The following PRICKLE2 variants were observed in gnomAD, a reference collection of about 807,000 sequenced individuals.
PRICKLE2 encodes prickle planar cell polarity protein 2, also known as prickle-like protein 2.
In PRICKLE2, 21 loss-of-function variants were observed where a neutral mutation model predicts 81.4. That is an observed-to-expected ratio of 0.26 (90% CI 0.18 to 0.37). The LOEUF is 0.37. Ranked by LOEUF, PRICKLE2 falls within the 10% of genes least tolerant of loss-of-function variation. The pLI, the probability that PRICKLE2 is intolerant of heterozygous loss-of-function variation, is 1.00. For missense variants in PRICKLE2, 940 were observed against 1,109.0 expected, an observed-to-expected ratio of 0.85 and a Z score of 2.16; for synonymous variants, 456 against 421.5, an observed-to-expected ratio of 1.08 and a Z score of -1.00.
intron 2 of PRICKLE2, among the ~76,000 whole-genome samples, chr3:64,195,015 C>T (rs1319743417): frequency 6.6e-6 from 1 of 152,078 alleles, no homozygotes; most frequent in Non-Finnish European, 1.5e-5. Context: ...GCCCTCCAGC[C>T]TGGGTGGCAG....
chr3:64,222,161 G>T (rs1372892906), intron 1 of PRICKLE2, among the ~76,000 whole-genome samples: 1 of 152,146 alleles, frequency 6.6e-6, no homozygotes, highest in South Asian at 2.1e-4. Context: ...GCATTCAGGG[G>T]ACTTTATTTC....
chr3:64,102,219 T>C (rs1241902173), intron 7 of PRICKLE2: 1 of 152,198 alleles, frequency 6.6e-6, no homozygotes, highest in Non-Finnish European at 1.5e-5. Flanking sequence ...ACCTGCTCTT[T>C]AGGGAAACTA....
At chr3:64,261,538 T>C (rs2079614872) in intron 2 of PRICKLE2, among the ~76,000 whole-genome samples, 1 of 151,858 alleles carries the variant, frequency 6.6e-6, no homozygotes, top group Admixed American at 6.6e-5. Context: ...CCAAGAAAAA[T>C]GTGGGCTGTG....
chr3:64,206,388 T>A (rs1362524946), intron 1 of PRICKLE2, among the ~76,000 whole-genome samples: 3 of 152,178 alleles, frequency 2.0e-5, no homozygotes, highest in Non-Finnish European at 4.4e-5. Flanking sequence ...CTCTGGGCAA[T>A]GTACATTTTC....
intron 2 of PRICKLE2, among the ~76,000 whole-genome samples, chr3:64,258,842 AAAAAAAGAAAGAAAGAAAG>A (rs2079568794): frequency 2.8e-5 from 2 of 71,866 alleles, no homozygotes; most frequent in Non-Finnish European, 6.2e-5. Flanking sequence ...AAAAAAAAAA[AAAAAAAGAAAGAAAGAAAG>A]AAAGAAAGAA....
intron 2 of PRICKLE2, among the ~76,000 whole-genome samples, chr3:64,258,823 C>CAAAAAAAAA (rs1156901811): frequency 1.4e-5 from 1 of 70,390 alleles, no homozygotes; most frequent in Non-Finnish European, 2.5e-5. Context: ...GACTCTGTCT[C>CAAAAAAAAA]AAAAAAAAAA....
intron 2 of PRICKLE2, among the ~76,000 whole-genome samples, chr3:64,166,237 T>G (rs898834957): frequency 6.6e-6 from 1 of 152,060 alleles, no homozygotes; most frequent in Non-Finnish European, 1.5e-5. Context: ...ACTTCAAGAG[T>G]CTGTCCTAGA....
intron 7 of PRICKLE2, among the ~76,000 whole-genome samples, chr3:64,125,692 T>TAGAC (rs1343549597): frequency 6.6e-6 from 1 of 152,372 alleles, no homozygotes; most frequent in East Asian, 1.9e-4. Flanking sequence ...GCACACTTAA[T>TAGAC]AGACTACAGT....
intron 5 of PRICKLE2, chr3:64,155,045 A>C (rs1218810279): frequency 6.8e-6 from 1 of 147,850 alleles, no homozygotes; most frequent in Non-Finnish European, 1.5e-5. Flanking sequence ...GCTACTCAGG[A>C]GGTTCGGTCA....
rs1319548085 is a variant in PRICKLE2 at position 64,147,527 on chromosome 3, G to A, written c.963C>T (p.Ser321=). ...SAGEDPNGSD[S]SDSAFQNARA... Reference sequence around the variant, plus strand: ...TGGCGTTCTGGAAGGCGGAATCAGAGGAGTCAGAACCATTGGGGTCTTCCC... The same window carrying A: ...TGGCGTTCTGGAAGGCGGAATCAGAAGAGTCAGAACCATTGGGGTCTTCCC... Residue 321 remains serine, a synonymous_variant, in exon 7 of 8, where the codon TCC becomes TCT. Coordinates refer to ENST00000638394, the MANE Select transcript of PRICKLE2 (RefSeq NM_198859.4). The surrounding 1 kb of genome is among the most constrained non-coding windows in gnomAD (Gnocchi z 5.0). The A allele has an allele frequency of 6.2e-7, 1 of 1,614,146 alleles. No homozygotes were observed. The highest frequency in any genetic ancestry group is 1.3e-5 in the African/African-American group (1 of 74,964).
In PRICKLE2 at chr3:64,099,789, G is replaced by C; in HGVS notation, c.1797C>G (p.Phe599Leu). 6.2e-7 allele frequency: 1 copy of C among 1,614,214 alleles called. No homozygotes were observed. Among genetic ancestry groups the C allele is most frequent in the Non-Finnish European group, 8.5e-7 (1 of 1,180,036 alleles). The change falls in exon 8 of 8, where the codon TTC becomes TTG. Residue 599 changes from phenylalanine to leucine, a missense_variant. Physicochemically the swap from Phe to Leu is conservative, Grantham distance 22 (BLOSUM62 0). Around this residue, in one of 2 missense-constraint regions of PRICKLE2, gnomAD observed 670 missense variants for 717.2 expected, o/e 0.93. Transcript: ENST00000638394. This position sits in a 1 kb window ranked among gnomAD's most constrained non-coding sequence, Gnocchi z 4.3. ...GGCTGCGAACTGACTCTGCGCTCCGGAACTGCATGGACGAGTTAAGAGTGC... is the reference window on the plus strand; with the variant it reads ...GGCTGCGAACTGACTCTGCGCTCCGCAACTGCATGGACGAGTTAAGAGTGC... ...NMGTLNSSMQ[F>L]RSAESVRSLL...
chr3:64,171,162 T>G (rs1333935691), intron 2 of PRICKLE2, among the ~76,000 whole-genome samples: 1 of 152,198 alleles, frequency 6.6e-6, no homozygotes, highest in East Asian at 1.9e-4. Context: ...GGTGTCATCC[T>G]CCTTTCTTCC....
chr3:64,262,307 G>A (rs911836122), intron 2 of PRICKLE2, among the ~76,000 whole-genome samples: 2 of 152,142 alleles, frequency 1.3e-5, no homozygotes, highest in African/African-American at 4.8e-5. Flanking sequence ...AATCAAAGGT[G>A]CCAAAAGTTT....
chr3:64,262,745 G>C (rs114440877), intron 2 of PRICKLE2, among the ~76,000 whole-genome samples: 1,622 of 152,204 alleles, frequency 0.011, 29 homozygotes, highest in African/African-American at 0.037. Flanking sequence ...TGATCCACTG[G>C]GACAAACCCT....
At chr3:64,150,088 C>T (rs1052615817) in intron 6 of PRICKLE2, among the ~76,000 whole-genome samples, 4 of 151,566 alleles carry the variant, frequency 2.6e-5, no homozygotes, top group Admixed American at 6.6e-5. Flanking sequence ...CCCCGAGCGC[C>T]GTGGACACTT....
At chr3:64,196,484 C>T (rs2078455755) in intron 2 of PRICKLE2, among the ~76,000 whole-genome samples, 1 of 152,162 alleles carries the variant, frequency 6.6e-6, no homozygotes, top group Non-Finnish European at 1.5e-5. Context: ...TCAGCCACTA[C>T]CCTCTCTGAG....
At chr3:64,127,556 G>T (rs990584312) in intron 7 of PRICKLE2, among the ~76,000 whole-genome samples, 3 of 152,108 alleles carry the variant, frequency 2.0e-5, no homozygotes, top group Non-Finnish European at 4.4e-5. Context: ...ACTCAAAGAG[G>T]TTGGGGGCTG....
At chr3:64,192,504 A>T (rs1462551834) in intron 2 of PRICKLE2, among the ~76,000 whole-genome samples, 2 of 152,234 alleles carry the variant, frequency 1.3e-5, no homozygotes. Context: ...TTCTTTGAGG[A>T]GATACATTTA....
At chr3:64,148,858 CAATA>C (rs2077498888) in intron 6 of PRICKLE2, among the ~76,000 whole-genome samples, 8 of 152,178 alleles carry the variant, frequency 5.3e-5, no homozygotes, top group African/African-American at 1.9e-4. Context: ...GAACTGTCAG[CAATA>C]CATTTCTGTT....
Sources: allele counts gnomAD v4.1 joint callset (sites outside exome capture counted in the v4.1 genomes callset), GRCh38; gene constraint gnomAD v4.1.1; regional missense constraint gnomAD v4.1.1; non-coding constraint Gnocchi (gnomAD v3.1); transcripts MANE v1.5; gene names NCBI Gene and HGNC (gene_info 2026-07-23, HGNC 2026-07-21).